SHANK2: variants seen among roughly 807,000 people sequenced by gnomAD.
SHANK2 encodes the protein SH3 and multiple ankyrin repeat domains protein 2.
SHANK2 carries 43 observed loss-of-function variants against 133.7 expected under a neutral mutation model. The ratio of observed to expected loss-of-function variants is 0.32; its 90% confidence interval spans 0.25 to 0.41. SHANK2 has a LOEUF of 0.41. Among genes scored for constraint, SHANK2 ranks in the 10% least tolerant of loss-of-function variants. The probability of loss-of-function intolerance (pLI) is 1.00; values close to 1 mark genes in which losing one functional copy is unlikely to be tolerated. For synonymous variants in SHANK2, 1,017 were observed against 952.8 expected, an observed-to-expected ratio of 1.07 and a Z score of -1.24; for missense variants, 1,994 against 2,235.8, an observed-to-expected ratio of 0.89 and a Z score of 2.18.
At chr11:70,801,087 G>A (rs1222946157) in intron 13 of SHANK2, among the ~76,000 whole-genome samples, 7 of 152,286 alleles carry the variant, frequency 4.6e-5, no homozygotes, top group East Asian at 3.9e-4. Context: ...GTTTCTATGC[G>A]TGAATCGGAG....
At chr11:71,131,491 G>A (rs1952306742) in intron 3 of SHANK2, among the ~76,000 whole-genome samples, 1 of 152,204 alleles carries the variant, frequency 6.6e-6, no homozygotes, top group African/African-American at 2.4e-5. Context: ...GCAGCCGCTG[G>A]ATGCTGTGGC....
chr11:70,483,535 C>G (rs1555152258), intron 25 of SHANK2, among the ~76,000 whole-genome samples: 1 of 33,298 alleles, frequency 3.0e-5, no homozygotes, highest in South Asian at 1.7e-3. Context: ...CTCATCTCTA[C>G]CAAAAAAAAA....
intron 14 of SHANK2, among the ~76,000 whole-genome samples, chr11:70,713,788 A>G (rs11601580): frequency 0.39 from 59,752 of 151,694 alleles, 12,113 homozygotes; most frequent in Non-Finnish European, 0.46. Flanking sequence ...TGTGCCACAC[A>G]CACCATTTAA....
intron 14 of SHANK2, among the ~76,000 whole-genome samples, chr11:70,795,534 G>A (rs1033332202): frequency 2.6e-5 from 4 of 151,838 alleles, no homozygotes; most frequent in African/African-American, 9.7e-5. Context: ...GCCTCCCGAG[G>A]AGCTGGGACT....
chr11:71,148,799 T>A (rs1452792051), intron 2 of SHANK2, among the ~76,000 whole-genome samples: 1 of 152,150 alleles, frequency 6.6e-6, no homozygotes, highest in African/African-American at 2.4e-5. Flanking sequence ...AGGAAGGCAA[T>A]TCACGGAAGG....
chr11:70,842,815 C>T lies in SHANK2; in HGVS notation c.1175-22133G>A, dbSNP rs924029309. Reference sequence around the variant, plus strand: ...CCCACCCAGAGGCCCAAGAGACGGCCGAGGTGAAGCTCCCTCCACACGGTT... The same window carrying T: ...CCCACCCAGAGGCCCAAGAGACGGCTGAGGTGAAGCTCCCTCCACACGGTT... On this transcript the variant is annotated intron_variant, in intron 11 of 25. Transcript: ENST00000601538. Among the ~76,000 whole-genome samples, 4 of 152,194 alleles carry T rather than the reference C, an allele frequency of 2.6e-5. 1 individual carries two copies. The highest frequency in any genetic ancestry group is 4.8e-5 in the African/African-American group (2 of 41,442).
chr11:70,901,006 C>G (rs1418615176), intron 10 of SHANK2, among the ~76,000 whole-genome samples: 1 of 152,186 alleles, frequency 6.6e-6, no homozygotes, highest in Non-Finnish European at 1.5e-5. Flanking sequence ...AGCAGAGACA[C>G]AGCCGAGGCT....
At chr11:71,200,309 A>C (rs1555116877) in intron 2 of SHANK2, among the ~76,000 whole-genome samples, 5 of 152,216 alleles carry the variant, frequency 3.3e-5, no homozygotes. Flanking sequence ...ATTCCTTTTC[A>C]GGCCAAGTCA....
intron 17 of SHANK2, among the ~76,000 whole-genome samples, chr11:70,579,600 T>C (rs1591605353): frequency 1.3e-5 from 2 of 152,152 alleles, no homozygotes; most frequent in Admixed American, 6.5e-5. Flanking sequence ...CCAGGTGGTG[T>C]CTCCCGGGCC....
intron 3 of SHANK2, among the ~76,000 whole-genome samples, chr11:71,124,311 T>A (rs1555102259): frequency 8.4e-6 from 1 of 119,356 alleles, no homozygotes; most frequent in African/African-American, 3.1e-5. Flanking sequence ...ATCATGATGA[T>A]AGTGATGGTG....
intron 10 of SHANK2, among the ~76,000 whole-genome samples, chr11:70,945,269 C>T (rs1950706583): frequency 6.6e-6 from 1 of 152,058 alleles, no homozygotes; most frequent in Admixed American, 6.6e-5. Context: ...AGTGCAAAGG[C>T]CCTGGGGTGA....
chr11:70,502,752 C>CCCCCG, intron 18 of SHANK2, 44 bp downstream of exon 18: 3 of 1,345,264 alleles, frequency 2.2e-6, no homozygotes, highest in Non-Finnish European at 3.0e-6. Context: ...CCCCCCCCCC[C>CCCCCG]CAGTAGGGCC....
At chr11:71,114,567 C>T (rs181797381) in intron 4 of SHANK2, among the ~76,000 whole-genome samples, 3 of 152,134 alleles carry the variant, frequency 2.0e-5, no homozygotes, top group African/African-American at 7.2e-5. Flanking sequence ...GCTGTGAAAT[C>T]GGAAAGTTCT....
rs559666244 is a variant in SHANK2, at chr11:70,710,376, C to T, written c.1778-11613G>A. Among the ~76,000 whole-genome samples the T allele has an allele frequency of 1.1e-3, 172 of 152,304 alleles. 1 individual carries two copies. The highest frequency in any genetic ancestry group is 4.0e-3 in the African/African-American group (167 of 41,572). On this transcript the variant is annotated intron_variant, in intron 14 of 25. Transcript: ENST00000601538. ...GAGACTGTGTCCCACTGCCCCCTCT[C>T]GGCTATGGAATGGGGTAGGAGGGAA...
At chr11:70,490,416 G>T in intron 22 of SHANK2, 29 bp from the exon 23 acceptor site, 1 of 1,583,504 alleles carries the variant, frequency 6.3e-7, no homozygotes, top group African/African-American at 1.3e-5. Flanking sequence ...AGGGTGAGAC[G>T]CAGCCCTGGC....
chr11:70,687,033 C>T (rs534416587), intron 15 of SHANK2, among the ~76,000 whole-genome samples: 1 of 152,374 alleles, frequency 6.6e-6, no homozygotes, highest in Non-Finnish European at 1.5e-5. Flanking sequence ...GGAATCCCAA[C>T]CCTGCCCAGC....
At chr11:71,097,482 C>G (rs1447423203) in intron 6 of SHANK2, among the ~76,000 whole-genome samples, 1 of 152,224 alleles carries the variant, frequency 6.6e-6, no homozygotes, top group Non-Finnish European at 1.5e-5. Context: ...TAAAAATAGA[C>G]TGGAACCTCA....
intron 2 of SHANK2, among the ~76,000 whole-genome samples, chr11:71,217,357 A>C (rs897360597): frequency 1.4e-4 from 22 of 151,882 alleles, no homozygotes; most frequent in African/African-American, 5.1e-4. Flanking sequence ...AAATACAAAA[A>C]TTAATTGGGC....
intron 11 of SHANK2, among the ~76,000 whole-genome samples, chr11:70,880,099 C>G (rs963111096): frequency 2.0e-5 from 3 of 152,202 alleles, no homozygotes; most frequent in Non-Finnish European, 4.4e-5. Flanking sequence ...CCCGGCTAGC[C>G]TTGGGATAGT....
Sources: allele counts gnomAD v4.1 joint callset (sites outside exome capture counted in the v4.1 genomes callset), GRCh38; gene constraint gnomAD v4.1.1; transcripts MANE v1.5; gene names NCBI Gene and HGNC (gene_info 2026-07-23, HGNC 2026-07-21).